The following MSMO1 variants were observed in gnomAD, a reference collection of about 807,000 sequenced individuals.
MSMO1 encodes C-4 methylsterol oxidase.
MSMO1 carries 18 observed loss-of-function variants against 30.4 expected under a neutral mutation model. The observed-to-expected ratio is 0.59, with a 90% CI of 0.41 to 0.88. The LOEUF is 0.88. Ranked by LOEUF, MSMO1 falls within the 40% of genes least tolerant of loss-of-function variation. MSMO1 has a pLI of 0.00. For synonymous variants in MSMO1, 84 were observed against 107.9 expected (o/e 0.78, Z 1.37); for missense variants, 284 against 340.5 (o/e 0.83, Z 1.31).
intron 3 of MSMO1, 33 bp downstream of exon 3, chr4:165,337,970 A>G (rs769911529): frequency 1.3e-6 from 2 of 1,592,656 alleles, no homozygotes; most frequent in African/African-American, 1.3e-5. Context: ...TTTACACCCA[A>G]TTGTGGCTTA....
chr4:165,332,589 C>T (rs1370688), intron 1 of MSMO1, among the ~76,000 whole-genome samples: 6,439 of 152,252 alleles, frequency 0.042, 466 homozygotes, highest in African/African-American at 0.15. Context: ...TCCCCCCTGC[C>T]CACAGTGTGT....
intron 3 of MSMO1, 106 bp downstream of exon 3, chr4:165,338,043 C>A: frequency 9.4e-7 from 1 of 1,065,090 alleles, no homozygotes; most frequent in Non-Finnish European, 1.4e-6. Context: ...TTGTTCTAAA[C>A]TTTGGAAGTA....
chr4:165,342,131 A>G lies in MSMO1; in HGVS notation c.*185A>G. ...TCTACTTTACCTACAAGTTCTATAT[A>G]TGTAGAAATGAATAAATATATATTT... On this transcript the variant is annotated 3_prime_UTR_variant, in exon 6 of 6. Transcript: ENST00000261507. The G allele has an allele frequency of 1.9e-6, 1 of 540,080 alleles. No individual in the cohort carries two copies. Among genetic ancestry groups the G allele is most frequent in the East Asian group, 3.2e-5 (1 of 30,962 alleles). 33.5% of individuals were successfully genotyped at this position (540,080 alleles called of 1,614,324 possible). A position where few individuals can be genotyped will look rare whatever the true frequency, so the allele number is the denominator to read the frequency against.
At chr4:165,336,073 C>G (rs1183337823) in intron 2 of MSMO1, among the ~76,000 whole-genome samples, 1 of 151,794 alleles carries the variant, frequency 6.6e-6, no homozygotes, top group East Asian at 1.9e-4. Context: ...TTAAAATTGT[C>G]GAAAAGAATA....
rs572619677 is a variant in MSMO1 at position 165,333,602 on chromosome 4, A to G, written c.232A>G (p.Met78Val). The G allele has an allele frequency of 2.5e-6, 4 of 1,595,342 alleles. No homozygotes were observed. The highest frequency in any genetic ancestry group is 3.4e-6 in the Non-Finnish European group (4 of 1,171,230). Residue 78 changes from methionine (M) to valine (V), a missense_variant, in exon 2 of 6, where the codon ATG (methionine) becomes GTG (valine). Coordinates refer to ENST00000261507, the MANE Select transcript of MSMO1 (RefSeq NM_006745.5). Reference sequence around the variant, plus strand: ...ATTTTTATTTCAATTTATACCTTATATGAAAAAATACAAAATTCAAAAGGT... The same window carrying G: ...ATTTTTATTTCAATTTATACCTTATGTGAAAAAATACAAAATTCAAAAGGT... ...PGFLFQFIPY[M>V]KKYKIQKDKP...
At chr4:165,337,310 T>C (rs1747581372) in intron 2 of MSMO1, among the ~76,000 whole-genome samples, 1 of 152,192 alleles carries the variant, frequency 6.6e-6, no homozygotes, top group Non-Finnish European at 1.5e-5. Context: ...TCAGAGAGTT[T>C]ATAATTCTGT....
intron 2 of MSMO1, among the ~76,000 whole-genome samples, chr4:165,336,494 T>C (rs1177993961): frequency 1.3e-5 from 2 of 152,358 alleles, no homozygotes; most frequent in Non-Finnish European, 2.9e-5. Flanking sequence ...GTTGATTAAC[T>C]TTGTAATTTC....
intron 1 of MSMO1, among the ~76,000 whole-genome samples, chr4:165,331,340 T>A (rs1463160289): frequency 6.6e-6 from 1 of 150,722 alleles, no homozygotes; most frequent in Non-Finnish European, 1.5e-5. Flanking sequence ...GACGTGAATG[T>A]GTTTTTAGAC....
chr4:165,339,872 C>T (rs1747668323), intron 4 of MSMO1, among the ~76,000 whole-genome samples: 1 of 152,118 alleles, frequency 6.6e-6, no homozygotes, highest in African/African-American at 2.4e-5. Context: ...GACTAGAAAT[C>T]CAGGTAAGAA....
At chr4:165,340,627 CCTT>C in intron 5 of MSMO1, 1 of 482,936 alleles carries the variant, frequency 2.1e-6, no homozygotes, top group Non-Finnish European at 3.7e-6. Context: ...ATTTCCTTAT[CCTT>C]CTGTAATAAA....
intron 4 of MSMO1, among the ~76,000 whole-genome samples, chr4:165,339,761 A>G (rs925512480): frequency 6.6e-6 from 1 of 152,228 alleles, no homozygotes; most frequent in Middle Eastern, 3.2e-3. Flanking sequence ...CCAGTGAAGC[A>G]GAATCATTGG....
chr4:165,328,319 G>T (rs577093403), intron 1 of MSMO1, among the ~76,000 whole-genome samples: 1 of 152,336 alleles, frequency 6.6e-6, no homozygotes, highest in South Asian at 2.1e-4. Flanking sequence ...TGGCGAGAAT[G>T]TAAGAAATGA....
intron 1 of MSMO1, among the ~76,000 whole-genome samples, chr4:165,329,081 T>C (rs2126613341): frequency 6.6e-6 from 1 of 152,322 alleles, no homozygotes; most frequent in Admixed American, 6.5e-5. Flanking sequence ...TGTCAGCATA[T>C]TTTTAAAACA....
At chr4:165,334,865 A>G (rs553606830) in intron 2 of MSMO1, among the ~76,000 whole-genome samples, 3 of 152,302 alleles carry the variant, frequency 2.0e-5, no homozygotes, top group African/African-American at 4.8e-5. Context: ...ACTTAGTACA[A>G]TTGGCCCTCC....
chr4:165,336,484 GTTGA>G (rs961239848), intron 2 of MSMO1, among the ~76,000 whole-genome samples: 1 of 152,116 alleles, frequency 6.6e-6, no homozygotes, highest in African/African-American at 2.4e-5. Context: ...TTTTATTATA[GTTGA>G]TTAACTTTGT....
chr4:165,333,249 T>C, intron 1 of MSMO1, 91 bp from the exon 2 acceptor site: 1 of 1,092,336 alleles, frequency 9.2e-7, no homozygotes, highest in East Asian at 2.6e-5. Context: ...GTAATTATCA[T>C]TTTTAAAATG....
chr4:165,330,847 C>T, intron 1 of MSMO1, among the ~76,000 whole-genome samples: 1 of 152,176 alleles, frequency 6.6e-6, no homozygotes, highest in Middle Eastern at 3.2e-3. Flanking sequence ...GCATCAGCCT[C>T]CCCAAGGTGC....
chr4:165,340,171 G>A, intron 4 of MSMO1, 50 bp from the exon 5 acceptor site: 1 of 1,551,208 alleles, frequency 6.4e-7, no homozygotes, highest in Non-Finnish European at 8.9e-7. Flanking sequence ...ACATAAAATT[G>A]ACCATCACAA....
At chr4:165,334,729 G>T (rs1292683345) in intron 2 of MSMO1, among the ~76,000 whole-genome samples, 1 of 152,216 alleles carries the variant, frequency 6.6e-6, no homozygotes, top group Non-Finnish European at 1.5e-5. Context: ...GTAAGCTGAT[G>T]ATAGTTTCTA....
Sources: gnomAD v4.1 joint callset for allele counts (sites outside exome capture counted in the v4.1 genomes callset) on GRCh38, gnomAD v4.1.1 for gene constraint, MANE v1.5 for transcripts, NCBI Gene and HGNC (gene_info 2026-07-23, HGNC 2026-07-21) for gene names.